Variants in CMTM7 observed in about 807,000 individuals in gnomAD.
CMTM7 encodes CKLF-like MARVEL transmembrane domain-containing protein 7.
A neutral mutation model predicts 19.3 loss-of-function variants in CMTM7; 7 were observed. The observed-to-expected ratio is 0.36, with a 90% confidence interval of 0.21 to 0.68. The LOEUF (loss-of-function observed/expected upper bound fraction) is 0.68. Among genes scored for constraint, CMTM7 ranks in the 30% least tolerant of loss-of-function variants. The pLI, the probability that CMTM7 is intolerant of heterozygous loss-of-function variation, is 0.60. For missense variants in CMTM7, 193 were observed against 232.6 expected, an observed-to-expected ratio of 0.83 and a Z score of 1.11; for synonymous variants, 87 against 99.3, an observed-to-expected ratio of 0.88 and a Z score of 0.74.
intron 1 of CMTM7, among the ~76,000 whole-genome samples, chr3:32,392,881 T>C (rs1695861426): frequency 6.6e-6 from 1 of 152,250 alleles, no homozygotes; most frequent in African/African-American, 2.4e-5. Flanking sequence ...CCCCACTCTT[T>C]TCTTTTCTCC....
At chr3:32,430,309 C>A (rs994121982) in intron 1 of CMTM7, among the ~76,000 whole-genome samples, 1 of 152,094 alleles carries the variant, frequency 6.6e-6, no homozygotes, top group African/African-American at 2.4e-5. Flanking sequence ...TGCTGGCCAG[C>A]GTGTCTGCTT....
chr3:32,410,000 C>A (rs1213979405), intron 1 of CMTM7, among the ~76,000 whole-genome samples: 2 of 152,142 alleles, frequency 1.3e-5, no homozygotes, highest in East Asian at 3.8e-4. Flanking sequence ...ATAGCCCTAT[C>A]ATTTAGGTAC....
chr3:32,395,411 G>C (rs1487082881), intron 1 of CMTM7, among the ~76,000 whole-genome samples: 1 of 152,082 alleles, frequency 6.6e-6, no homozygotes, highest in Admixed American at 6.5e-5. Context: ...TAAGAATCCA[G>C]TGAAGTAACA....
At chr3:32,437,492 G>GA (rs1235025989) in intron 1 of CMTM7, among the ~76,000 whole-genome samples, 1 of 152,138 alleles carries the variant, frequency 6.6e-6, no homozygotes, top group Non-Finnish European at 1.5e-5. Flanking sequence ...AGCTACTCAG[G>GA]AAGCTGAGGC....
chr3:32,418,221 A>G (rs963739859), intron 1 of CMTM7, among the ~76,000 whole-genome samples: 47 of 152,152 alleles, frequency 3.1e-4, no homozygotes, highest in African/African-American at 1.1e-3. Context: ...TGAAGTATCT[A>G]TTCACATTTT....
At chr3:32,410,617 GAAA>G (rs1696157804) in intron 1 of CMTM7, among the ~76,000 whole-genome samples, 1 of 151,330 alleles carries the variant, frequency 6.6e-6, no homozygotes, top group Admixed American at 6.6e-5. Context: ...AAGAAGCTGG[GAAA>G]AGTCACAGAG....
chr3:32,450,265 G>A (rs901505142), intron 3 of CMTM7, among the ~76,000 whole-genome samples: 1 of 152,114 alleles, frequency 6.6e-6, no homozygotes, highest in African/African-American at 2.4e-5. Flanking sequence ...TTTTAAAAAT[G>A]AGTTTTGAGA....
Position 32,452,419 on chromosome 3 carries a change from T to C in CMTM7, c.460T>C (p.Cys154Arg). The change falls in exon 4 of 5, where the codon TGC (cysteine) becomes CGC (arginine). Residue 154 changes from cysteine (C) to arginine (R), a missense_variant. Cys to Arg is a radical substitution (Grantham distance 180, BLOSUM62 -3). Transcript: ENST00000334983. ...AIFGFMATFLCMASIWLSYKI... is the reference protein window; with the variant it reads ...AIFGFMATFLRMASIWLSYKI... ...CTTTGGTTTCATGGCCACCTTCCTC[T>C]GCATGGCAAGCATATGGCTGTCCTA... 1 of 1,614,148 alleles carries C rather than the reference T, an allele frequency of 6.2e-7. No individual in the cohort carries two copies. The highest frequency in any genetic ancestry group is 8.5e-7 in the Non-Finnish European group (1 of 1,180,032).
intron 1 of CMTM7, among the ~76,000 whole-genome samples, chr3:32,393,198 T>G (rs910057727): frequency 1.6e-4 from 25 of 152,168 alleles, no homozygotes; most frequent in African/African-American, 6.0e-4. Flanking sequence ...GAGGTGGCCC[T>G]CATGTCTTGC....
At chr3:32,423,612 C>T (rs939844466) in intron 1 of CMTM7, among the ~76,000 whole-genome samples, 3 of 152,166 alleles carry the variant, frequency 2.0e-5, no homozygotes, top group Non-Finnish European at 4.4e-5. Flanking sequence ...CAGCAGTTAG[C>T]CCCGTCAGAG....
chr3:32,397,626 C>T (rs191266906), intron 1 of CMTM7, among the ~76,000 whole-genome samples: 2 of 151,538 alleles, frequency 1.3e-5, no homozygotes, highest in South Asian at 4.2e-4. Flanking sequence ...CCCAGCTACT[C>T]GGGAGGCTGA....
intron 2 of CMTM7, among the ~76,000 whole-genome samples, chr3:32,443,595 T>C (rs1020488541): frequency 6.6e-6 from 1 of 152,236 alleles, no homozygotes; most frequent in Non-Finnish European, 1.5e-5. Context: ...GGAGGGGAAT[T>C]ACTGAGTCAT....
At chr3:32,430,794 T>TGCC (rs1696507292) in intron 1 of CMTM7, among the ~76,000 whole-genome samples, 1 of 151,352 alleles carries the variant, frequency 6.6e-6, no homozygotes, top group Non-Finnish European at 1.5e-5. Flanking sequence ...AGAGTGAACG[T>TGCC]GCTGCTGTCA....
Position 32,391,856 on chromosome 3 carries a change from TG to T in CMTM7, c.-49del. On this transcript the variant is annotated 5_prime_UTR_variant, in exon 1 of 5. Coordinates refer to ENST00000334983, the MANE Select transcript of CMTM7 (RefSeq NM_138410.4). ...CCGCCCCCGGCCCGCCCTCTGTATC[TG>T]GCCCCTGGGCAGCTGCCCGGGGAGG... The T allele has an allele frequency of 9.7e-7, 1 of 1,028,934 alleles. No individual in the cohort carries two copies. The highest frequency in any genetic ancestry group is 1.2e-6 in the Non-Finnish European group (1 of 821,374). The allele number at this position is 1,028,934 out of a possible 1,614,324, so 63.7% of individuals were successfully genotyped here.
At chr3:32,453,058 ACCGCAC>A (rs1028700510) in intron 4 of CMTM7, among the ~76,000 whole-genome samples, 1 of 147,040 alleles carries the variant, frequency 6.8e-6, no homozygotes, top group Non-Finnish European at 1.5e-5. Context: ...GACATGAACC[ACCGCAC>A]CCAGCCAGCT....
At chr3:32,413,623 CAAAT>C (rs1696213487) in intron 1 of CMTM7, among the ~76,000 whole-genome samples, 3 of 152,182 alleles carry the variant, frequency 2.0e-5, no homozygotes, top group South Asian at 2.1e-4. Context: ...GCTGCTGTAA[CAAAT>C]AACTCTCAAA....
chr3:32,424,923 G>A (rs761563682), intron 1 of CMTM7, among the ~76,000 whole-genome samples: 52 of 152,320 alleles, frequency 3.4e-4, no homozygotes, highest in Middle Eastern at 3.4e-3. Context: ...AGGGATTATA[G>A]GCATGAGCCA....
chr3:32,449,564 T>C lies in CMTM7; in HGVS notation c.432+12T>C. 6.3e-7 allele frequency: 1 copy of C among 1,591,986 alleles called. No individual in the cohort carries two copies. Among genetic ancestry groups the C allele is most frequent in the Non-Finnish European group, 8.6e-7 (1 of 1,159,912 alleles). On this transcript the variant is annotated intron_variant, in intron 3 of 4. Transcript: ENST00000334983. This position sits in a 1 kb window ranked among gnomAD's most constrained non-coding sequence, Gnocchi z 4.5. ...TGGTAGCCGGAGCGGTGAGGATGTT[T>C]TGGGGAGCCTTTAGGAATGAATTCT... is the stretch of plus-strand genomic sequence containing the variant.
intron 1 of CMTM7, among the ~76,000 whole-genome samples, chr3:32,410,777 G>C (rs2125625017): frequency 6.6e-6 from 1 of 152,302 alleles, no homozygotes; most frequent in Admixed American, 6.5e-5. Context: ...TAGTTGAGTT[G>C]ACAGGTTTCG....
Sources: allele counts gnomAD v4.1 joint callset (sites outside exome capture counted in the v4.1 genomes callset), GRCh38; gene constraint gnomAD v4.1.1; non-coding constraint Gnocchi (gnomAD v3.1); transcripts MANE v1.5; gene names NCBI Gene and HGNC (gene_info 2026-07-23, HGNC 2026-07-21).